The following RBM5 variants were observed in gnomAD, a reference collection of about 807,000 sequenced individuals.
The protein encoded by RBM5 is RNA binding motif protein 5.
Under a neutral mutation model 124.6 loss-of-function variants are expected in RBM5, and 15 were observed. The observed-to-expected ratio is 0.12, with a 90% CI of 0.08 to 0.19. RBM5 has a LOEUF of 0.19. Among genes scored for constraint, RBM5 ranks in the 10% least tolerant of loss-of-function variants. The probability of loss-of-function intolerance (pLI) is 1.00; values close to 1 mark genes in which losing one functional copy is unlikely to be tolerated. For synonymous variants in RBM5, 337 were observed against 361.2 expected (o/e 0.93, Z 0.76); for missense variants, 580 against 1,026.5 (o/e 0.57, Z 5.94).
chr3:50,097,186 G>T (rs1188770743), intron 4 of RBM5, among the ~76,000 whole-genome samples: 1 of 152,010 alleles, frequency 6.6e-6, no homozygotes, highest in Non-Finnish European at 1.5e-5. Context: ...ACAAGGTCAG[G>T]AGATCGAGAC....
In RBM5 at chr3:50,108,229, CA is replaced by C. The variant is rs1559690881; in HGVS notation, c.1120-2del. On this transcript the variant is annotated splice_acceptor_variant, in intron 13 of 24. Coordinates refer to ENST00000347869, the MANE Select transcript of RBM5 (RefSeq NM_005778.4). LOFTEE classifies it high-confidence loss of function. ...GCAGCTTTAATGGTGGACTTTTCTT[CA>C]GTATTCACAGGATTATCAGCAGTTT... is the stretch of plus-strand genomic sequence containing the variant. 2 of 1,612,202 alleles carry C rather than the reference CA, an allele frequency of 1.2e-6. No individual in the cohort carries two copies. Among genetic ancestry groups the C allele is most frequent in the South Asian group, 2.2e-5 (2 of 91,054 alleles).
intron 8 of RBM5, chr3:50,104,656 A>T (rs772831076): frequency 7.4e-6 from 2 of 269,786 alleles, no homozygotes; most frequent in Non-Finnish European, 1.4e-5. Flanking sequence ...AAAAAACAAA[A>T]CAAAAATCTG....
intron 17 of RBM5, among the ~76,000 whole-genome samples, chr3:50,112,428 A>G (rs1353658188): frequency 6.9e-6 from 1 of 145,944 alleles, no homozygotes; most frequent in Admixed American, 6.7e-5. Flanking sequence ...AAAAAAAAAA[A>G]AAAAAAAAAA....
intron 21 of RBM5, 91 bp from the exon 22 acceptor site, chr3:50,115,815 C>T (rs1273641849): frequency 1.1e-5 from 15 of 1,326,764 alleles, no homozygotes; most frequent in Non-Finnish European, 1.6e-5. Context: ...TGGGCTTTGG[C>T]TCTTAAAGTA....
At chr3:50,098,844 C>T (rs142540621) in intron 4 of RBM5, among the ~76,000 whole-genome samples, 21 of 152,196 alleles carry the variant, frequency 1.4e-4, no homozygotes, top group African/African-American at 4.3e-4. Context: ...CTTCCCAAAG[C>T]GCTAGGATTA....
intron 3 of RBM5, 82 bp from the exon 4 acceptor site, chr3:50,093,638 T>C: frequency 6.9e-7 from 1 of 1,444,824 alleles, no homozygotes; most frequent in Non-Finnish European, 9.5e-7. Context: ...CACTTCCTGC[T>C]AAGGATAATT....
intron 10 of RBM5, among the ~76,000 whole-genome samples, chr3:50,106,516 C>T (rs1187702496): frequency 6.6e-6 from 1 of 152,216 alleles, no homozygotes; most frequent in East Asian, 1.9e-4. Context: ...ATCCGCTCAT[C>T]TCAGCCTCCC....
chr3:50,111,598 C>T (rs1011581655), intron 17 of RBM5, among the ~76,000 whole-genome samples: 1 of 152,108 alleles, frequency 6.6e-6, no homozygotes, highest in Non-Finnish European at 1.5e-5. Flanking sequence ...TGGTCTCGAA[C>T]TCCTGACCTT....
At position 50,100,522 on chromosome 3, in the gene RBM5, C is replaced by T; in HGVS notation, c.410-10C>T. The T allele has an allele frequency of 6.2e-7, 1 of 1,601,386 alleles. No homozygotes were observed. The highest frequency in any genetic ancestry group is 8.6e-7 in the Non-Finnish European group (1 of 1,168,830). On this transcript the variant is annotated splice_polypyrimidine_tract_variant and intron_variant, in intron 5 of 24. Coordinates refer to ENST00000347869, the MANE Select transcript of RBM5 (RefSeq NM_005778.4). This position sits in a 1 kb window ranked among gnomAD's most constrained non-coding sequence, Gnocchi z 5.1. ...CAAGTATCCCGTCTATATCTGAATG[C>T]TGTCTCTAGGTGTAAGCCGTGGTTT...
At chr3:50,092,232 C>T (rs745383975) in intron 3 of RBM5, 24 bp downstream of exon 3, 147 of 1,604,696 alleles carry the variant, frequency 9.2e-5, no homozygotes, top group Non-Finnish European at 1.2e-4. Context: ...GGCTGTATAA[C>T]CCCCCAAAAC....
chr3:50,117,120 T>C lies in RBM5; in HGVS notation c.2141T>C (p.Ile714Thr), dbSNP rs1267592549. The C allele has an allele frequency of 6.2e-7, 1 of 1,614,036 alleles. No homozygotes were observed. Among genetic ancestry groups the C allele is most frequent in the Non-Finnish European group, 8.5e-7 (1 of 1,180,028 alleles). Residue 714 changes from isoleucine (I) to threonine (T), a missense_variant, in exon 23 of 25, where the codon ATT becomes ACT. This residue lies in a region of RBM5 where 234 missense variants were observed against 435.1 expected (regional missense o/e 0.54). Transcript: ENST00000347869. This position sits in a 1 kb window ranked among gnomAD's most constrained non-coding sequence, Gnocchi z 4.2. ...RAAERREKYGIPEPPEPKRKK... is the reference protein window; with the variant it reads ...RAAERREKYGTPEPPEPKRKK... The stretch of plus-strand genomic sequence containing the variant: ...GCAGAAAGACGGGAGAAGTACGGCA[T>C]TCCAGAACCTCCAGAGCCCAAGCGC...
Position 50,113,539 on chromosome 3 carries a change from C to A in RBM5, c.1612C>A (p.Gln538Lys). 6.2e-7 allele frequency: 1 copy of A among 1,613,324 alleles called. No individual in the cohort carries two copies. Among genetic ancestry groups the A allele is most frequent in the Non-Finnish European group, 8.5e-7 (1 of 1,179,684 alleles). ...KKEKPKSKTA[Q>K]QIAKDMERWA... ...GGAGAAACCCAAGAGCAAAACAGCC[C>A]AGCAGGTTAGAACATGACCCATATT... The change falls in exon 18 of 25, where the codon CAG (glutamine) becomes AAG (lysine). Residue 538 changes from glutamine to lysine, a missense_variant. Gln to Lys is a moderately conservative substitution (Grantham distance 53). Around this residue, in one of 6 missense-constraint regions of RBM5, gnomAD observed 234 missense variants for 435.1 expected, o/e 0.54. Transcript: ENST00000347869.
intron 11 of RBM5, 138 bp from the exon 12 acceptor site, chr3:50,107,344 G>T: frequency 1.5e-6 from 1 of 687,218 alleles, no homozygotes; most frequent in Non-Finnish European, 2.6e-6. Context: ...TCCCCATGAA[G>T]AGCCCTCCCC....
In RBM5 at chr3:50,118,554, G is replaced by A; in HGVS notation, c.*98G>A. 1.4e-6 allele frequency: 2 copies of A among 1,479,208 alleles called. No homozygotes were observed. Among genetic ancestry groups the A allele is most frequent in the South Asian group, 1.2e-5 (1 of 80,128 alleles). The allele number at this position is 1,479,208 out of a possible 1,614,324, so 91.6% of individuals were successfully genotyped here. On this transcript the variant is annotated 3_prime_UTR_variant, in exon 25 of 25. Coordinates refer to ENST00000347869, the MANE Select transcript of RBM5 (RefSeq NM_005778.4). Reference sequence around the variant, plus strand: ...TCTCTTTAAGGGCATGCCTTGTGCTGTTAATAGATCTTAGGGTGAACCACT... The same window carrying A: ...TCTCTTTAAGGGCATGCCTTGTGCTATTAATAGATCTTAGGGTGAACCACT...
At chr3:50,112,259 CAA>C (rs1432396808) in intron 17 of RBM5, 2 of 145,018 alleles carry the variant, frequency 1.4e-5, no homozygotes, top group Admixed American at 6.9e-5. Context: ...AAAAAAAATA[CAA>C]AAAAATTAGC....
At chr3:50,092,882 TTAAAATAATAA>T (rs1264059780) in intron 3 of RBM5, 1 of 217,126 alleles carries the variant, frequency 4.6e-6, no homozygotes, top group East Asian at 1.3e-4. Context: ...GACCCTGTCT[TTAAAATAATAA>T]TAATGAAAAA....
intron 10 of RBM5, 89 bp downstream of exon 10, chr3:50,105,798 C>T (rs2091016302): frequency 7.1e-7 from 1 of 1,407,564 alleles, no homozygotes; most frequent in African/African-American, 1.4e-5. Context: ...GTCTGAGGCT[C>T]CTAAAGCCCA....
At chr3:50,109,931 G>A (rs907952588) in intron 15 of RBM5, 1 of 380,130 alleles carries the variant, frequency 2.6e-6, no homozygotes, top group African/African-American at 2.1e-5. Context: ...TTGTCGCCGG[G>A]GCCGGGTGTG....
rs746343206 is a variant in RBM5, at chr3:50,106,778, G to A, written c.867G>A (p.Gln289=). Residue 289 remains glutamine (Q), a synonymous_variant, in exon 11 of 25, where the codon CAG becomes CAA. Coordinates refer to ENST00000347869, the MANE Select transcript of RBM5 (RefSeq NM_005778.4). ...ACATTCTCCTTCAGGATGCTTCTCA[G>A]CTGCTTCAGATATTACAGAGTCTCC... ...VQLSSAMDAS[Q]LLQILQSLHP... 1.1e-5 allele frequency: 17 copies of A among 1,608,446 alleles called. No homozygotes were observed. The highest frequency in any genetic ancestry group is 1.4e-5 in the Non-Finnish European group (17 of 1,174,922).
Sources: allele counts gnomAD v4.1 joint callset (sites outside exome capture counted in the v4.1 genomes callset), GRCh38; gene constraint gnomAD v4.1.1; regional missense constraint gnomAD v4.1.1; non-coding constraint Gnocchi (gnomAD v3.1); transcripts MANE v1.5; gene names NCBI Gene and HGNC (gene_info 2026-07-23, HGNC 2026-07-21).